CLEC1A: variants seen among roughly 807,000 people sequenced by gnomAD.
The protein encoded by CLEC1A is C-type lectin domain family 1 member A.
CLEC1A carries 34 observed loss-of-function variants against 28.7 expected under a neutral mutation model. The ratio of observed to expected loss-of-function variants is 1.18; its 90% confidence interval spans 0.90 to 1.57. The LOEUF (loss-of-function observed/expected upper bound fraction) is 1.57, where lower values mean the gene tolerates loss of function less well. Ranked by LOEUF, CLEC1A falls within the 40% of genes most tolerant of loss-of-function variation. The pLI, the probability that CLEC1A is intolerant of heterozygous loss-of-function variation, is 0.00. For missense variants in CLEC1A, 385 were observed against 339.5 expected (o/e 1.13, Z -1.05); for synonymous variants, 116 against 121.0 (o/e 0.96, Z 0.27).
At chr12:10,080,563 T>C (rs1394398869) in intron 3 of CLEC1A, among the ~76,000 whole-genome samples, 5 of 152,198 alleles carry the variant, frequency 3.3e-5, no homozygotes, top group African/African-American at 1.2e-4. Flanking sequence ...TGAACATGTA[T>C]GCCATTTCCT....
chr12:10,084,821 C>CAAAAAAA lies in CLEC1A; in HGVS notation c.215-3415_215-3409dup, dbSNP rs57574014. Reference sequence around the variant, plus strand: ...TAGGCGACAGAGTGAGACTCTGTATCAAAAAAAAAAAAAAAAAAAAAAGAA... The same window carrying CAAAAAAA: ...TAGGCGACAGAGTGAGACTCTGTATCAAAAAAAAAAAAAAAAAAAAAAAAAAAAAGAA... On this transcript the variant is annotated intron_variant, in intron 2 of 5. Transcript: ENST00000315330. 4.9e-4 allele frequency among the ~76,000 whole-genome samples: 41 copies of CAAAAAAA among 83,754 alleles called. 1 individual carries two copies. Among genetic ancestry groups the CAAAAAAA allele is most frequent in the East Asian group, 1.6e-3 (3 of 1,876 alleles). The allele number at this position is 83,754 out of a possible 152,430, so 54.9% of individuals were successfully genotyped here.
At chr12:10,092,700 ACTT>A (rs908549887) in intron 1 of CLEC1A, among the ~76,000 whole-genome samples, 1 of 152,224 alleles carries the variant, frequency 6.6e-6, no homozygotes, top group Non-Finnish European at 1.5e-5. Flanking sequence ...GAGGGCCTGG[ACTT>A]TAGAAATCAG....
At chr12:10,072,593 A>C (rs1313687547) in intron 5 of CLEC1A, among the ~76,000 whole-genome samples, 1 of 151,942 alleles carries the variant, frequency 6.6e-6, no homozygotes, top group Admixed American at 6.5e-5. Context: ...CCACCATTAC[A>C]GCCTGGACTC....
chr12:10,097,750 G>A (rs932307932), intron 1 of CLEC1A, among the ~76,000 whole-genome samples: 7 of 152,096 alleles, frequency 4.6e-5, no homozygotes, highest in South Asian at 2.1e-4. Context: ...AACCACAGCC[G>A]TAAAAATGGA....
chr12:10,086,825 T>C (rs1227707618), intron 2 of CLEC1A, among the ~76,000 whole-genome samples: 1 of 152,084 alleles, frequency 6.6e-6, no homozygotes, highest in African/African-American at 2.4e-5. Flanking sequence ...ATCACACTAA[T>C]ACCAAAACCA....
chr12:10,073,280 C>A lies in CLEC1A; in HGVS notation c.662+13G>T. On this transcript the variant is annotated intron_variant, in intron 5 of 5. Transcript: ENST00000315330. ...GTTAAATGCCTTTCCCATAAAATAT[C>A]CTGAAGGCTTACAGTTCAGAAGTGA... is the stretch of plus-strand genomic sequence containing the variant. 6.4e-7 allele frequency: 1 copy of A among 1,574,356 alleles called. No individual in the cohort carries two copies. Among genetic ancestry groups the A allele is most frequent in the Non-Finnish European group, 8.7e-7 (1 of 1,145,898 alleles).
chr12:10,073,361 T>A lies in CLEC1A; in HGVS notation c.594A>T (p.Thr198=), dbSNP rs188502784. Residue 198 remains threonine, a synonymous_variant, in exon 5 of 6, where the codon ACA becomes ACT. Coordinates refer to ENST00000315330, the MANE Select transcript of CLEC1A (RefSeq NM_016511.4). ...SYSEFFYSYW[T]GLLRPDSGKA... ...TGCCACTGTCAGGGCGCAAAAGCCC[T>A]GTCCAATAAGAGTAGAAAAACTCAG... 10 of 1,614,098 alleles carry A rather than the reference T, an allele frequency of 6.2e-6. No individual in the cohort carries two copies. In the African/African-American group the frequency reaches 8.0e-5, roughly 13 times the overall value.
chr12:10,092,829 A>T (rs1050760751), intron 1 of CLEC1A, among the ~76,000 whole-genome samples: 3 of 152,162 alleles, frequency 2.0e-5, no homozygotes, highest in Non-Finnish European at 2.9e-5. Context: ...AAAAGTTTTT[A>T]AAAATCTCTT....
chr12:10,090,978 T>C (rs941755582), intron 1 of CLEC1A, among the ~76,000 whole-genome samples: 1 of 152,174 alleles, frequency 6.6e-6, no homozygotes, highest in African/African-American at 2.4e-5. Flanking sequence ...CATGTACTCC[T>C]CACAACGGTC....
chr12:10,081,493 C>T, intron 2 of CLEC1A, 80 bp from the exon 3 acceptor site: 1 of 1,220,272 alleles, frequency 8.2e-7, no homozygotes, highest in Non-Finnish European at 1.1e-6. Flanking sequence ...GAAGACAAAA[C>T]AGTATATTTT....
chr12:10,089,181 T>TCA lies in CLEC1A; in HGVS notation c.155_156dup (p.Thr53Ter). On this transcript the variant is annotated frameshift_variant, in exon 2 of 6. Transcript: ENST00000315330. LOFTEE classifies it high-confidence loss of function. ...AGCACCAAGCACAAAGTCAGCAGGG[T>TCA]CAGGGCCACTGGTCGCCACGTTGAA... The TCA allele has an allele frequency of 1.2e-6, 2 of 1,613,986 alleles. No homozygotes were observed. The highest frequency in any genetic ancestry group is 1.7e-6 in the Non-Finnish European group (2 of 1,179,966).
chr12:10,078,965 G>A (rs533397680), intron 3 of CLEC1A, among the ~76,000 whole-genome samples: 1 of 152,284 alleles, frequency 6.6e-6, no homozygotes, highest in East Asian at 1.9e-4. Context: ...AGCTGCCTGA[G>A]GCTCTCAGAA....
At chr12:10,076,410 A>G (rs1866252061) in intron 3 of CLEC1A, among the ~76,000 whole-genome samples, 1 of 152,182 alleles carries the variant, frequency 6.6e-6, no homozygotes, top group Non-Finnish European at 1.5e-5. Context: ...GCTAATACAC[A>G]GGTAGGTGTT....
In CLEC1A at chr12:10,095,296, T is replaced by A. The variant is rs1947762543; in HGVS notation, c.115+3512A>T. Reference sequence around the variant, plus strand: ...AACTTGAATTTATTATTAAATTTTTTAAAATTATTTAACCAAAGTAATTTT... The same window carrying A: ...AACTTGAATTTATTATTAAATTTTTAAAAATTATTTAACCAAAGTAATTTT... On this transcript the variant is annotated intron_variant, in intron 1 of 5. Coordinates refer to ENST00000315330, the MANE Select transcript of CLEC1A (RefSeq NM_016511.4). Among the ~76,000 whole-genome samples, 3 of 152,210 alleles carry A rather than the reference T, an allele frequency of 2.0e-5. No homozygotes were observed. In the East Asian group the frequency reaches 5.8e-4, roughly 29 times the overall value.
chr12:10,092,055 T>C (rs7972187), intron 1 of CLEC1A, among the ~76,000 whole-genome samples: 119,943 of 152,098 alleles, frequency 0.79, 48,582 homozygotes, highest in Middle Eastern at 0.88. Context: ...CTGCCTACCC[T>C]TACTCAAACA....
chr12:10,071,330 G>A lies in CLEC1A; in HGVS notation c.*3C>T, dbSNP rs376070327. On this transcript the variant is annotated 3_prime_UTR_variant, in exon 6 of 6. Coordinates refer to ENST00000315330, the MANE Select transcript of CLEC1A (RefSeq NM_016511.4). ...TCTGCTATTTGTAGTTGCAGAGGGCGAATCAGTCACCTTCGCCTAATGTTT... is the reference window on the plus strand; with the variant it reads ...TCTGCTATTTGTAGTTGCAGAGGGCAAATCAGTCACCTTCGCCTAATGTTT... The A allele has an allele frequency of 5.9e-5, 95 of 1,612,184 alleles. No homozygotes were observed. Among genetic ancestry groups the A allele is most frequent in the Non-Finnish European group, 5.3e-5 (62 of 1,179,122 alleles).
intron 1 of CLEC1A, among the ~76,000 whole-genome samples, chr12:10,090,381 G>C (rs1452667252): frequency 6.6e-6 from 1 of 152,118 alleles, no homozygotes; most frequent in African/African-American, 2.4e-5. Context: ...CTCCTGAGGA[G>C]CCGGAACTAC....
At chr12:10,071,988 T>C (rs1866145379) in intron 5 of CLEC1A, among the ~76,000 whole-genome samples, 1 of 152,220 alleles carries the variant, frequency 6.6e-6, no homozygotes, top group Non-Finnish European at 1.5e-5. Context: ...GTGGTTTGGA[T>C]GTGTGTTCTT....
intron 4 of CLEC1A, 131 bp downstream of exon 4, chr12:10,075,373 A>T (rs1866228037): frequency 1.2e-6 from 1 of 859,788 alleles, no homozygotes; most frequent in East Asian, 2.5e-5. Flanking sequence ...TAGGAATAAG[A>T]CTCAGGCCCT....
Sources: allele counts gnomAD v4.1 joint callset (sites outside exome capture counted in the v4.1 genomes callset), GRCh38; gene constraint gnomAD v4.1.1; transcripts MANE v1.5; gene names NCBI Gene and HGNC (gene_info 2026-07-23, HGNC 2026-07-21).